CADM1: variants seen among roughly 807,000 people sequenced by gnomAD.
CADM1 encodes cell adhesion molecule 1.
A neutral mutation model predicts 53.1 loss-of-function variants in CADM1; 15 were observed. That is an observed-to-expected ratio of 0.28 (90% CI 0.19 to 0.44). The LOEUF (loss-of-function observed/expected upper bound fraction) is 0.44, where lower values mean the gene tolerates loss of function less well. Ranked by LOEUF, CADM1 falls within the 20% of genes least tolerant of loss-of-function variation. The pLI, the probability that CADM1 is intolerant of heterozygous loss-of-function variation, is 1.00. For missense variants in CADM1, 434 were observed against 611.3 expected (o/e 0.71, Z 3.06); for synonymous variants, 281 against 243.0 (o/e 1.16, Z -1.45).
chr11:115,222,644 G>T (rs1014607289), intron 5 of CADM1, among the ~76,000 whole-genome samples: 17 of 152,076 alleles, frequency 1.1e-4, no homozygotes, highest in African/African-American at 3.9e-4. Flanking sequence ...CTGAACGATT[G>T]TGAGTGGGAT....
chr11:115,184,301 G>A (rs1021135542), intron 10 of CADM1, among the ~76,000 whole-genome samples: 3 of 152,138 alleles, frequency 2.0e-5, no homozygotes, highest in Non-Finnish European at 1.5e-5. Context: ...ACAAAAATAA[G>A]TGTGCATTTT....
intron 1 of CADM1, among the ~76,000 whole-genome samples, chr11:115,410,923 T>C (rs1327594848): frequency 2.0e-5 from 3 of 152,132 alleles, no homozygotes; most frequent in Non-Finnish European, 4.4e-5. Flanking sequence ...TTTGCTGCCA[T>C]GACCATAAAA....
chr11:115,315,210 A>G (rs1199629635), intron 1 of CADM1, among the ~76,000 whole-genome samples: 1 of 152,248 alleles, frequency 6.6e-6, no homozygotes, highest in East Asian at 1.9e-4. Context: ...GGACTCTTTT[A>G]ATGGAAACGT....
At chr11:115,497,666 G>A (rs929903266) in intron 1 of CADM1, among the ~76,000 whole-genome samples, 1 of 152,194 alleles carries the variant, frequency 6.6e-6, no homozygotes, top group Non-Finnish European at 1.5e-5. Context: ...AAACAAGGAG[G>A]TGCCACTTGT....
intron 1 of CADM1, among the ~76,000 whole-genome samples, chr11:115,294,941 A>C (rs1054189711): frequency 6.6e-6 from 1 of 152,170 alleles, no homozygotes; most frequent in African/African-American, 2.4e-5. Flanking sequence ...CAGGAGGCTG[A>C]GGCAGGAGAA....
intron 1 of CADM1, among the ~76,000 whole-genome samples, chr11:115,299,956 A>T (rs889650032): frequency 1.3e-5 from 2 of 152,188 alleles, no homozygotes; most frequent in Non-Finnish European, 2.9e-5. Flanking sequence ...AATCAGAAAA[A>T]AAGGAAAGAA....
chr11:115,481,486 G>T (rs181929555), intron 1 of CADM1, among the ~76,000 whole-genome samples: 1 of 152,180 alleles, frequency 6.6e-6, no homozygotes, highest in African/African-American at 2.4e-5. Flanking sequence ...TCTGTCCTTA[G>T]CTTCTCTTCC....
intron 1 of CADM1, among the ~76,000 whole-genome samples, chr11:115,284,545 G>C (rs1943680069): frequency 6.6e-6 from 1 of 151,580 alleles, no homozygotes; most frequent in East Asian, 1.9e-4. Context: ...AACGTAAGAG[G>C]AAGATAGTTT....
chr11:115,402,553 A>AC (rs1219380618), intron 1 of CADM1, among the ~76,000 whole-genome samples: 1 of 152,114 alleles, frequency 6.6e-6, no homozygotes, highest in Non-Finnish European at 1.5e-5. Flanking sequence ...CAAAACAAAA[A>AC]AGCTTCTAAG....
intron 1 of CADM1, among the ~76,000 whole-genome samples, chr11:115,413,644 C>CTTTTTTTTTTTTTTTTTTTTTT (rs71066424): frequency 5.0e-5 from 6 of 120,908 alleles, no homozygotes; most frequent in Non-Finnish European, 7.1e-5. Context: ...CAGCTCAGTT[C>CTTTTTTTTTTTTTTTTTTTTTT]TTTTTTTTTT....
At chr11:115,243,504 C>T (rs914757308) in intron 1 of CADM1, among the ~76,000 whole-genome samples, 7 of 152,148 alleles carry the variant, frequency 4.6e-5, no homozygotes, top group African/African-American at 1.4e-4. Flanking sequence ...CACTTTAAGG[C>T]ACCATAAGAT....
chr11:115,298,184 T>C (rs991297946), intron 1 of CADM1, among the ~76,000 whole-genome samples: 1 of 152,224 alleles, frequency 6.6e-6, no homozygotes, highest in Non-Finnish European at 1.5e-5. Flanking sequence ...CCTTCTGTAT[T>C]GGGCATGCCA....
At chr11:115,362,419 G>A (rs1255478872) in intron 1 of CADM1, among the ~76,000 whole-genome samples, 1 of 152,128 alleles carries the variant, frequency 6.6e-6, no homozygotes, top group East Asian at 1.9e-4. Flanking sequence ...AAGGCATCCT[G>A]TTTTCTGTCT....
intron 1 of CADM1, among the ~76,000 whole-genome samples, chr11:115,422,697 C>T (rs980049096): frequency 2.0e-5 from 3 of 152,144 alleles, no homozygotes; most frequent in East Asian, 1.9e-4. Context: ...ACAGATAGTT[C>T]GCTGTGCCCT....
intron 1 of CADM1, among the ~76,000 whole-genome samples, chr11:115,404,388 T>A (rs1477475506): frequency 5.8e-5 from 6 of 103,108 alleles, no homozygotes; most frequent in African/African-American, 2.4e-4. Flanking sequence ...TATATATATA[T>A]GGCCCATTTG....
chr11:115,296,072 T>C (rs1344076920), intron 1 of CADM1, among the ~76,000 whole-genome samples: 1 of 152,114 alleles, frequency 6.6e-6, no homozygotes, highest in Admixed American at 6.5e-5. Flanking sequence ...TGCCTCAGCC[T>C]CCCGAGTAGC....
At chr11:115,417,680 TG>T (rs1947634669) in intron 1 of CADM1, among the ~76,000 whole-genome samples, 1 of 152,090 alleles carries the variant, frequency 6.6e-6, no homozygotes, top group Admixed American at 6.6e-5. Context: ...CACAACCCAG[TG>T]GGACAGAGTG....
rs67114126 is a variant in CADM1 at position 115,458,493 on chromosome 11, AATTATTATTATTATTATT to A, written c.124+45760_124+45777del. On this transcript the variant is annotated intron_variant, in intron 1 of 11. Coordinates refer to ENST00000331581, the MANE Select transcript of CADM1 (RefSeq NM_001301043.2). ...GTAGGTATTCCTAAATGTTAGCTGT[AATTATTATTATTATTATT>A]ATTATTATTATTATTATTATTACAT... Among the ~76,000 whole-genome samples, 268 of 143,634 alleles carry A rather than the reference AATTATTATTATTATTATT, an allele frequency of 1.9e-3. 4 individuals are homozygous for A. Among genetic ancestry groups the A allele is most frequent in the African/African-American group, 6.1e-3 (241 of 39,218 alleles). 94.2% of individuals were successfully genotyped at this position (143,634 alleles called of 152,430 possible). A position where few individuals can be genotyped will look rare whatever the true frequency, so the allele number is the denominator to read the frequency against.
intron 1 of CADM1, among the ~76,000 whole-genome samples, chr11:115,465,788 T>C (rs45488198): frequency 1.4e-5 from 2 of 144,302 alleles, no homozygotes; most frequent in African/African-American, 5.0e-5. Flanking sequence ...TATAACTTTT[T>C]ACAGGCAGGA....
Sources: gnomAD v4.1 joint callset for allele counts (sites outside exome capture counted in the v4.1 genomes callset) on GRCh38, gnomAD v4.1.1 for gene constraint, MANE v1.5 for transcripts, NCBI Gene and HGNC (gene_info 2026-07-23, HGNC 2026-07-21) for gene names.